Variants in GMEB1 observed in about 807,000 individuals in gnomAD.
GMEB1 encodes glucocorticoid modulatory element binding protein 1.
GMEB1 carries 6 observed loss-of-function variants against 52.4 expected under a neutral mutation model. The observed-to-expected ratio is 0.11, with a 90% CI of 0.06 to 0.23. GMEB1 has a LOEUF of 0.23. GMEB1 is among the 10% of genes least tolerant of loss of function. GMEB1 has a pLI of 1.00. For synonymous variants in GMEB1, 255 were observed against 244.9 expected (o/e 1.04, Z -0.38); for missense variants, 486 against 685.6 (o/e 0.71, Z 3.25).
intron 8 of GMEB1, among the ~76,000 whole-genome samples, chr1:28,704,619 T>A (rs1223673826): frequency 6.6e-6 from 1 of 152,106 alleles, no homozygotes; most frequent in Non-Finnish European, 1.5e-5. Context: ...TTTTTTTTTT[T>A]TTTTGAGACG....
At chr1:28,675,424 A>T (rs1337286826) in intron 1 of GMEB1, among the ~76,000 whole-genome samples, 2 of 151,348 alleles carry the variant, frequency 1.3e-5, no homozygotes, top group Non-Finnish European at 2.9e-5. Context: ...CACTCCTGTA[A>T]TCCCAGCACT....
chr1:28,690,238 C>CTT (rs773068368), intron 3 of GMEB1, 52 bp downstream of exon 3: 1 of 759,310 alleles, frequency 1.3e-6, no homozygotes. Flanking sequence ...ATTCTAATAC[C>CTT]TTTGACTTTA....
At chr1:28,677,870 A>G (rs951094289) in intron 1 of GMEB1, among the ~76,000 whole-genome samples, 12 of 151,698 alleles carry the variant, frequency 7.9e-5, no homozygotes, top group African/African-American at 2.9e-4. Flanking sequence ...TAAGGAGTGG[A>G]GAGTTTAATA....
intron 1 of GMEB1, among the ~76,000 whole-genome samples, chr1:28,674,705 ATTCTTTTTTTTTTT>A (rs1557494477): frequency 1.1e-5 from 1 of 90,136 alleles, no homozygotes; most frequent in East Asian, 3.2e-4. Flanking sequence ...AGAATAGTTA[ATTCTTTTTTTTTTT>A]TTTTTTTTTT....
Position 28,714,582 on chromosome 1 carries a change from G to T in GMEB1, c.1501G>T (p.Val501Phe). 1 of 1,614,176 alleles carries T rather than the reference G, an allele frequency of 6.2e-7. No homozygotes were observed. Among genetic ancestry groups the T allele is most frequent in the Non-Finnish European group, 8.5e-7 (1 of 1,180,036 alleles). ...CGGCCTAACCTCGGCAATTCAGGCT[G>T]TTGAAAGCACCTCAGAGGATGGGCA... ...ESGLTSAIQA[V>F]ESTSEDGQTI... is the part of the protein sequence containing the mutation. The change falls in exon 10 of 10, where the codon GTT (valine) becomes TTT (phenylalanine). Residue 501 changes from valine to phenylalanine, a missense_variant. This residue lies in a region of GMEB1 where 153 missense variants were observed against 200.8 expected (regional missense o/e 0.76). Coordinates refer to ENST00000373816, the MANE Select transcript of GMEB1 (RefSeq NM_001319674.2).
chr1:28,688,705 C>T (rs1333483097), intron 2 of GMEB1, among the ~76,000 whole-genome samples: 1 of 151,804 alleles, frequency 6.6e-6, no homozygotes, highest in East Asian at 1.9e-4. Context: ...AACAAACAAA[C>T]ACCCCCCCAC....
rs185158926 is a variant in GMEB1 at position 28,708,794 on chromosome 1, G to A, written c.869-1726G>A. Among the ~76,000 whole-genome samples, 11 of 151,932 alleles carry A rather than the reference G, an allele frequency of 7.2e-5. No homozygotes were observed. The East Asian group carries it at 7.8e-4, about 11-fold the overall frequency. On this transcript the variant is annotated intron_variant, in intron 8 of 9. Coordinates refer to ENST00000373816, the MANE Select transcript of GMEB1 (RefSeq NM_001319674.2). ...GTGAATCACTTGAGGTCAGGAGTTC[G>A]AGATCAGCCTGGGCAACATGGTGAA...
intron 1 of GMEB1, among the ~76,000 whole-genome samples, chr1:28,673,065 T>G (rs1372042877): frequency 6.6e-6 from 1 of 152,052 alleles, no homozygotes; most frequent in Non-Finnish European, 1.5e-5. Flanking sequence ...CCGGCTAATT[T>G]TGTATTTTTA....
rs750926440 is a variant in GMEB1, at chr1:28,702,584, G to A, written c.730+15G>A. On this transcript the variant is annotated intron_variant, in intron 7 of 9. Coordinates refer to ENST00000373816, the MANE Select transcript of GMEB1 (RefSeq NM_001319674.2). ...GGAAATTTCAGGTATTCTTCTATAGGGCTCAGATGTCTTGCAGGGTCTTGT... is the reference window on the plus strand; with the variant it reads ...GGAAATTTCAGGTATTCTTCTATAGAGCTCAGATGTCTTGCAGGGTCTTGT... 1.9e-6 allele frequency: 3 copies of A among 1,610,674 alleles called. No homozygotes were observed. The highest frequency in any genetic ancestry group is 1.7e-5 in the Admixed American group (1 of 59,850).
At chr1:28,706,102 C>T (rs147197013) in intron 8 of GMEB1, among the ~76,000 whole-genome samples, 116 of 151,806 alleles carry the variant, frequency 7.6e-4, no homozygotes, top group African/African-American at 2.8e-3. Context: ...TGCAGTGAGC[C>T]GAGATAGCGC....
At chr1:28,709,088 T>G (rs892368861) in intron 8 of GMEB1, among the ~76,000 whole-genome samples, 1 of 148,770 alleles carries the variant, frequency 6.7e-6, no homozygotes, top group Non-Finnish European at 1.5e-5. Flanking sequence ...AAACTGAGAT[T>G]GCACCACTGC....
At chr1:28,670,698 C>T (rs1229564562) in intron 1 of GMEB1, among the ~76,000 whole-genome samples, 1 of 152,084 alleles carries the variant, frequency 6.6e-6, no homozygotes, top group African/African-American at 2.4e-5. Flanking sequence ...TGGTTTCGAT[C>T]TCCTGACCTT....
chr1:28,674,139 G>A (rs956794328), intron 1 of GMEB1, among the ~76,000 whole-genome samples: 1 of 148,396 alleles, frequency 6.7e-6, no homozygotes, highest in Non-Finnish European at 1.5e-5. Context: ...GACAGAGCGA[G>A]ACTCCGTCTG....
At chr1:28,679,802 CTTT>C (rs762915216) in intron 1 of GMEB1, among the ~76,000 whole-genome samples, 9 of 139,628 alleles carry the variant, frequency 6.4e-5, no homozygotes, top group African/African-American at 2.6e-5. Flanking sequence ...ATGGCTCACA[CTTT>C]TTTTTTTTTT....
Position 28,690,203 on chromosome 1 carries a change from GTTTTTTTTT to G in GMEB1, c.211+30_211+38del, listed in dbSNP as rs878890649. The G allele has an allele frequency of 1.4e-5, 7 of 513,944 alleles. No homozygotes were observed. The highest frequency in any genetic ancestry group is 3.8e-5 in the East Asian group (1 of 26,636). 31.8% of individuals were successfully genotyped at this position (513,944 alleles called of 1,614,324 possible). A position where few individuals can be genotyped will look rare whatever the true frequency, so the allele number is the denominator to read the frequency against. ...AAGGGATTGGTAAGGGTTTTTTTGT[GTTTTTTTTT>G]TTTTTTTTTTTTGTCATTCTAATAC... On this transcript the variant is annotated intron_variant, in intron 3 of 9. Transcript: ENST00000373816.
intron 8 of GMEB1, among the ~76,000 whole-genome samples, chr1:28,706,157 A>AAAAT (rs144208028): frequency 0.013 from 1,987 of 150,092 alleles, 23 homozygotes; most frequent in East Asian, 0.035. Context: ...CTCCATCTCA[A>AAAAT]AAATAAATAA....
chr1:28,691,597 T>C lies in GMEB1; in HGVS notation c.224T>C (p.Ile75Thr). 1 of 1,557,820 alleles carries C rather than the reference T, an allele frequency of 6.4e-7. No individual in the cohort carries two copies. Among genetic ancestry groups the C allele is most frequent in the Non-Finnish European group, 8.8e-7 (1 of 1,142,500 alleles). The change falls in exon 4 of 10, where the codon ATA becomes ACA. Residue 75 changes from isoleucine (I) to threonine (T), a missense_variant. Coordinates refer to ENST00000373816, the MANE Select transcript of GMEB1 (RefSeq NM_001319674.2). ...KIEEGIDTGT[I>T]EANEDMEIAY... Reference sequence around the variant, plus strand: ...TTTCTGTTTTCAGATACAGGCACTATAGAAGCAAATGAGGATATGGAAATT... The same window carrying C: ...TTTCTGTTTTCAGATACAGGCACTACAGAAGCAAATGAGGATATGGAAATT...
At chr1:28,690,988 ATAAAT>A (rs1374284436) in intron 3 of GMEB1, among the ~76,000 whole-genome samples, 2 of 151,458 alleles carry the variant, frequency 1.3e-5, no homozygotes, top group Non-Finnish European at 2.9e-5. Context: ...CCTAAAAAAA[ATAAAT>A]AAATAAAACC....
chr1:28,698,457 C>T (rs1670334016), intron 6 of GMEB1, among the ~76,000 whole-genome samples: 1 of 150,166 alleles, frequency 6.7e-6, no homozygotes, highest in South Asian at 2.1e-4. Context: ...GGGCAGATCT[C>T]AAGGTCAGGA....
Sources: gnomAD v4.1 joint callset for allele counts (sites outside exome capture counted in the v4.1 genomes callset) on GRCh38, gnomAD v4.1.1 for gene constraint, gnomAD v4.1.1 regional missense constraint, MANE v1.5 for transcripts, NCBI Gene and HGNC (gene_info 2026-07-23, HGNC 2026-07-21) for gene names.